BEST3: variants seen among roughly 807,000 people sequenced by gnomAD.
BEST3 encodes the protein bestrophin-3.
In BEST3, 50 loss-of-function variants were observed where a neutral mutation model predicts 47.1. The ratio of observed to expected loss-of-function variants is 1.06; its 90% CI spans 0.85 to 1.34. The LOEUF is 1.34. Ranked by LOEUF, BEST3 falls within the 40% of genes most tolerant of loss-of-function variation. BEST3 has a pLI of 0.00. For synonymous variants in BEST3, 282 were observed against 298.8 expected, an observed-to-expected ratio of 0.94 and a Z score of 0.58; for missense variants, 765 against 817.0, an observed-to-expected ratio of 0.94 and a Z score of 0.78.
At chr12:69,679,536 G>A (rs906804078) in intron 4 of BEST3, among the ~76,000 whole-genome samples, 8 of 152,130 alleles carry the variant, frequency 5.3e-5, no homozygotes, top group African/African-American at 1.9e-4. Flanking sequence ...AATGTTCATC[G>A]TCCCCATAGC....
chr12:69,698,975 C>A (rs924068855), intron 1 of BEST3, among the ~76,000 whole-genome samples: 5 of 152,192 alleles, frequency 3.3e-5, no homozygotes, highest in Non-Finnish European at 1.5e-5. Flanking sequence ...TTTACCTTGT[C>A]TATTTGCCTA....
chr12:69,693,245 CTTT>C (rs71094730), intron 4 of BEST3, among the ~76,000 whole-genome samples: 5 of 136,664 alleles, frequency 3.7e-5, no homozygotes. Context: ...CTCTCTCTCT[CTTT>C]TTTTTTTCTT....
At chr12:69,673,820 G>A (rs181010354) in intron 7 of BEST3, among the ~76,000 whole-genome samples, 1 of 48,658 alleles carries the variant, frequency 2.1e-5, no homozygotes, top group Non-Finnish European at 4.9e-5. Flanking sequence ...TGGAAATTGA[G>A]GCTTACCTAG....
rs1886183370 is a variant in BEST3, at chr12:69,697,669, T to C, written c.130A>G (p.Thr44Ala). 6.2e-7 allele frequency: 1 copy of C among 1,605,394 alleles called. No individual in the cohort carries two copies. The highest frequency in any genetic ancestry group is 1.7e-5 in the Admixed American group (1 of 58,528). Residue 44 changes from threonine to alanine, a missense_variant, in exon 2 of 10, where the codon ACA (threonine) becomes GCA (alanine). By Grantham distance (58) the Thr-to-Ala change is moderately conservative (BLOSUM62 0). Transcript: ENST00000330891. Reference protein sequence around the residue: ...REFIVFAVLYTAISLVYRLLL... With the variant: ...REFIVFAVLYAAISLVYRLLL... The stretch of plus-strand genomic sequence containing the variant: ...TACCTGTATACCAAACTTATTGCTG[T>C]ATAAAGAACAGCAAAAACAATAAAT...
chr12:69,652,512 T>C (rs577782892), downstream of BEST3, among the ~76,000 whole-genome samples: 4 of 152,322 alleles, frequency 2.6e-5, no homozygotes, highest in African/African-American at 9.6e-5. Flanking sequence ...CACGGGCTCA[T>C]TGAGCATGTC....
chr12:69,684,425 C>T, intron 4 of BEST3: 1 of 466,554 alleles, frequency 2.1e-6, no homozygotes, highest in Non-Finnish European at 4.0e-6. Context: ...CATTGATAGA[C>T]AAAATTCCAG....
At chr12:69,678,951 A>G in intron 4 of BEST3, 58 bp from the exon 5 acceptor site, 2 of 1,358,494 alleles carry the variant, frequency 1.5e-6, no homozygotes, top group Non-Finnish European at 1.0e-6. Flanking sequence ...CTAATACGTT[A>G]CCATATTTCA....
At chr12:69,690,646 A>T (rs1376535670) in intron 4 of BEST3, among the ~76,000 whole-genome samples, 1 of 152,200 alleles carries the variant, frequency 6.6e-6, no homozygotes, top group African/African-American at 2.4e-5. Context: ...CATTTCAAGG[A>T]TGCGTCAGAA....
intron 1 of BEST3, among the ~76,000 whole-genome samples, 189 bp downstream of exon 1, chr12:69,699,016 C>T (rs567885947): frequency 5.9e-5 from 9 of 152,306 alleles, no homozygotes; most frequent in South Asian, 4.1e-4. Flanking sequence ...GGGAGAGGAG[C>T]ATAATAAATT....
intron 9 of BEST3, among the ~76,000 whole-genome samples, chr12:69,646,356 T>C (rs1231962479): frequency 6.6e-6 from 1 of 152,224 alleles, no homozygotes; most frequent in East Asian, 1.9e-4. Flanking sequence ...TTATACTTGA[T>C]TGAGATTTTC....
At chr12:69,698,474 A>G (rs1886214965) in intron 1 of BEST3, among the ~76,000 whole-genome samples, 1 of 142,954 alleles carries the variant, frequency 7.0e-6, no homozygotes. Context: ...AAGACATTAA[A>G]TATTCAGGTT....
intron 9 of BEST3, chr12:69,670,495 C>T: frequency 1.4e-6 from 1 of 702,880 alleles, no homozygotes; most frequent in Non-Finnish European, 2.6e-6. Flanking sequence ...CTCAGAGGCC[C>T]CTTTGGAAGA....
chr12:69,677,587 C>T (rs1271931343), intron 5 of BEST3, among the ~76,000 whole-genome samples: 1 of 152,134 alleles, frequency 6.6e-6, no homozygotes, highest in African/African-American at 2.4e-5. Context: ...TTGAGATAAG[C>T]CTGGGCAACA....
At chr12:69,686,198 A>AAAAAAAAAAAAAC (rs1885574976) in intron 4 of BEST3, among the ~76,000 whole-genome samples, 1 of 149,304 alleles carries the variant, frequency 6.7e-6, no homozygotes. Context: ...AAAAAAAAAA[A>AAAAAAAAAAAAAC]CAAACAGCCC....
rs541352620 is a variant in BEST3, at chr12:69,663,078, TAA to T, written c.1101-7267_1101-7266del. 2.5e-3 allele frequency among the ~76,000 whole-genome samples: 386 copies of T among 152,360 alleles called. 3 individuals carry two copies. The highest frequency in any genetic ancestry group is 8.6e-3 in the African/African-American group (357 of 41,576). On this transcript the variant is annotated intron_variant, in intron 9 of 9. Coordinates refer to ENST00000330891, the MANE Select transcript of BEST3 (RefSeq NM_032735.3). ...GGTGTTTTGATTTTCAAGATAGGAC[TAA>T]AGGGCATTATGAGACTTCAGGTCTT... is the stretch of plus-strand genomic sequence containing the variant.
Position 69,693,801 on chromosome 12 carries a change from G to A in BEST3, c.354C>T (p.Asp118=). 1.2e-6 allele frequency: 2 copies of A among 1,614,116 alleles called. No homozygotes were observed. Among genetic ancestry groups the A allele is most frequent in the South Asian group, 2.2e-5 (2 of 91,064 alleles). ...FLISSSVHGS[D]EHGRLLRRTL... ...TCCTTCTAAGCAGGCGCCCGTGCTC[G>A]TCGCTTCCGTGAACACTGCTAGAGA... The change falls in exon 4 of 10, where the codon GAC becomes GAT. Residue 118 remains aspartate (D), a synonymous_variant. Transcript: ENST00000330891.
At chr12:69,690,559 G>T (rs1261314056) in intron 4 of BEST3, among the ~76,000 whole-genome samples, 1 of 152,156 alleles carries the variant, frequency 6.6e-6, no homozygotes, top group African/African-American at 2.4e-5. Context: ...CTTTTAATAT[G>T]AAGGTGACAC....
chr12:69,677,476 T>A (rs1166991492), intron 5 of BEST3, among the ~76,000 whole-genome samples: 1 of 152,186 alleles, frequency 6.6e-6, no homozygotes, highest in African/African-American at 2.4e-5. Flanking sequence ...TTGGACATTT[T>A]AAAAAATATT....
chr12:69,654,377 A>G lies in BEST3; in HGVS notation c.*530T>C, dbSNP rs1474015743. 1.0e-6 allele frequency: 1 copy of G among 985,392 alleles called. No homozygotes were observed. Among genetic ancestry groups the G allele is most frequent in the Non-Finnish European group, 1.2e-6 (1 of 829,980 alleles). The allele number at this position is 985,392 out of a possible 1,614,324, so 61.0% of individuals were successfully genotyped here. On this transcript the variant is annotated 3_prime_UTR_variant, in exon 10 of 10. Coordinates refer to ENST00000330891, the MANE Select transcript of BEST3 (RefSeq NM_032735.3). Reference sequence around the variant, plus strand: ...TAAGAATCAGGAAGTGATAATAACAATAATAGTTATAAAAGTAGGAATGAG... The same window carrying G: ...TAAGAATCAGGAAGTGATAATAACAGTAATAGTTATAAAAGTAGGAATGAG...
Sources: allele counts gnomAD v4.1 joint callset (sites outside exome capture counted in the v4.1 genomes callset), GRCh38; gene constraint gnomAD v4.1.1; transcripts MANE v1.5; gene names NCBI Gene and HGNC (gene_info 2026-07-23, HGNC 2026-07-21).